Variants in SDK1 observed in about 807,000 individuals in gnomAD.
SDK1 encodes protein sidekick-1.
In SDK1, 157 loss-of-function variants were observed where a neutral mutation model predicts 245.5. The observed-to-expected ratio is 0.64, with a 90% CI of 0.56 to 0.73. SDK1 has a LOEUF of 0.73. Among genes scored for constraint, SDK1 ranks in the 30% least tolerant of loss-of-function variants. The pLI, the probability that SDK1 is intolerant of heterozygous loss-of-function variation, is 0.00. For synonymous variants in SDK1, 1,647 were observed against 1,278.5 expected, an observed-to-expected ratio of 1.29 and a Z score of -6.15; for missense variants, 3,583 against 3,002.3, an observed-to-expected ratio of 1.19 and a Z score of -4.52.
At chr7:3,359,868 C>T (rs146197883) in intron 1 of SDK1, among the ~76,000 whole-genome samples, 34 of 152,164 alleles carry the variant, frequency 2.2e-4, no homozygotes, top group African/African-American at 7.2e-4. Flanking sequence ...TACCTGTGAC[C>T]CATGAAGTCT....
At chr7:3,610,614 A>G (rs1251903505) in intron 1 of SDK1, among the ~76,000 whole-genome samples, 1 of 152,262 alleles carries the variant, frequency 6.6e-6, no homozygotes, top group East Asian at 1.9e-4. Flanking sequence ...ACATAAATAT[A>G]GCCATATATG....
chr7:3,424,837 C>T (rs1218759733), intron 1 of SDK1, among the ~76,000 whole-genome samples: 2 of 152,178 alleles, frequency 1.3e-5, no homozygotes, highest in Admixed American at 6.5e-5. Context: ...GTCAAGGCTG[C>T]AGTGAGCTAT....
intron 14 of SDK1, among the ~76,000 whole-genome samples, chr7:3,998,273 G>A (rs748958476): frequency 7.9e-5 from 12 of 152,322 alleles, no homozygotes; most frequent in South Asian, 2.1e-4. Flanking sequence ...AAGCGGCCCC[G>A]GCAGCACCTC....
chr7:3,360,417 T>C (rs1780920845), intron 1 of SDK1, among the ~76,000 whole-genome samples: 1 of 152,202 alleles, frequency 6.6e-6, no homozygotes, highest in Non-Finnish European at 1.5e-5. Context: ...ATTATGCAAA[T>C]GTAGCTCTGG....
At chr7:3,690,646 A>G (rs369201650) in intron 4 of SDK1, among the ~76,000 whole-genome samples, 26 of 152,276 alleles carry the variant, frequency 1.7e-4, no homozygotes, top group African/African-American at 5.3e-4. Flanking sequence ...ACATCACACA[A>G]TGTTGTTTAT....
At chr7:4,093,285 G>A (rs1781921307) in intron 22 of SDK1, among the ~76,000 whole-genome samples, 1 of 151,908 alleles carries the variant, frequency 6.6e-6, no homozygotes, top group Non-Finnish European at 1.5e-5. Context: ...CTGTTTGTCT[G>A]CTCAGTTACC....
chr7:3,447,458 A>G (rs2128590526), intron 1 of SDK1, among the ~76,000 whole-genome samples: 1 of 152,222 alleles, frequency 6.6e-6, no homozygotes, highest in South Asian at 2.1e-4. Flanking sequence ...TTGGACTTCA[A>G]TAATAATAAA....
intron 1 of SDK1, among the ~76,000 whole-genome samples, chr7:3,481,888 G>C (rs910655662): frequency 6.6e-6 from 1 of 152,086 alleles, no homozygotes; most frequent in East Asian, 1.9e-4. Flanking sequence ...TTTCTGCCAG[G>C]ACTCTGACTG....
At position 3,438,766 on chromosome 7, in the gene SDK1, C is replaced by T. The variant is rs566410634; in HGVS notation, c.298+136882C>T. On this transcript the variant is annotated intron_variant, in intron 1 of 44. Coordinates refer to ENST00000404826, the MANE Select transcript of SDK1 (RefSeq NM_152744.4). Reference sequence around the variant, plus strand: ...TCTTCTCCTTTCACTTCAAACAACTCATCTGTCTTTATCCTGAAAAGTTTA... The same window carrying T: ...TCTTCTCCTTTCACTTCAAACAACTTATCTGTCTTTATCCTGAAAAGTTTA... Among the ~76,000 whole-genome samples, 3 of 152,154 alleles carry T rather than the reference C, an allele frequency of 2.0e-5. No homozygotes were observed. The South Asian group carries it at 6.2e-4, about 32-fold the overall frequency.
chr7:3,571,542 T>C (rs1383100267), intron 1 of SDK1, among the ~76,000 whole-genome samples: 2 of 152,022 alleles, frequency 1.3e-5, no homozygotes, highest in Non-Finnish European at 2.9e-5. Context: ...TGAGCTCAAG[T>C]GATCTTCCTG....
chr7:4,137,046 G>T (rs550581546), intron 28 of SDK1, among the ~76,000 whole-genome samples: 2 of 152,366 alleles, frequency 1.3e-5, no homozygotes, highest in East Asian at 1.9e-4. Flanking sequence ...GTGCTTTGGA[G>T]TCATGAGCGC....
intron 17 of SDK1, among the ~76,000 whole-genome samples, chr7:4,019,162 C>G (rs1195017951): frequency 6.6e-6 from 1 of 152,136 alleles, no homozygotes; most frequent in African/African-American, 2.4e-5. Context: ...AGGAACAGAG[C>G]CCAGACCCTT....
intron 4 of SDK1, among the ~76,000 whole-genome samples, chr7:3,642,432 C>G (rs1341767170): frequency 1.3e-5 from 2 of 152,072 alleles, no homozygotes; most frequent in African/African-American, 4.8e-5. Context: ...TTGGGTTTGC[C>G]TCCTAGTACT....
chr7:4,187,920 G>T (rs1414290068), intron 35 of SDK1, among the ~76,000 whole-genome samples: 2 of 151,318 alleles, frequency 1.3e-5, no homozygotes, highest in Non-Finnish European at 3.0e-5. Flanking sequence ...TAAAGAAAAA[G>T]AGGTTGAACG....
chr7:3,608,944 G>A (rs1218689019), intron 1 of SDK1, among the ~76,000 whole-genome samples: 1 of 152,064 alleles, frequency 6.6e-6, no homozygotes, highest in East Asian at 1.9e-4. Context: ...TCCTTCAACT[G>A]AAACAACATA....
chr7:3,462,583 C>A (rs961839302), intron 1 of SDK1, among the ~76,000 whole-genome samples: 3 of 152,158 alleles, frequency 2.0e-5, no homozygotes, highest in Non-Finnish European at 4.4e-5. Flanking sequence ...TCTTTCTAAG[C>A]CATCTCAAAC....
intron 1 of SDK1, among the ~76,000 whole-genome samples, chr7:3,342,030 C>T (rs1262822875): frequency 1.3e-5 from 2 of 152,074 alleles, no homozygotes; most frequent in Non-Finnish European, 2.9e-5. Flanking sequence ...AAAGCTTTCC[C>T]TTATAGTGAT....
chr7:3,517,976 C>G (rs191739889), intron 1 of SDK1, among the ~76,000 whole-genome samples: 2 of 152,230 alleles, frequency 1.3e-5, no homozygotes, highest in East Asian at 1.9e-4. Flanking sequence ...TGTGACTTCT[C>G]TCTCTTTAGT....
At chr7:3,815,599 G>A (rs1173292341) in intron 4 of SDK1, among the ~76,000 whole-genome samples, 8 of 148,942 alleles carry the variant, frequency 5.4e-5, no homozygotes, top group Admixed American at 5.4e-4. Flanking sequence ...TCTCTGCCCG[G>A]CTTTGGTATC....
Sources: gnomAD v4.1 joint callset for allele counts (sites outside exome capture counted in the v4.1 genomes callset) on GRCh38, gnomAD v4.1.1 for gene constraint, MANE v1.5 for transcripts, NCBI Gene and HGNC (gene_info 2026-07-23, HGNC 2026-07-21) for gene names.